COL20A1: variants seen among roughly 807,000 people sequenced by gnomAD.
The protein encoded by COL20A1 is collagen alpha-1(XX) chain.
In COL20A1, 164 loss-of-function variants were observed where a neutral mutation model predicts 152.9. That is an observed-to-expected ratio of 1.07 (90% CI 0.94 to 1.22). The LOEUF (loss-of-function observed/expected upper bound fraction) is 1.22. Among genes scored for constraint, COL20A1 ranks in the 50% most tolerant of loss-of-function variants. COL20A1 has a pLI of 0.00. For synonymous variants in COL20A1, 864 were observed against 756.0 expected, an observed-to-expected ratio of 1.14 and a Z score of -2.34; for missense variants, 1,873 against 1,744.8, an observed-to-expected ratio of 1.07 and a Z score of -1.31.
At position 63,321,485 on chromosome 20, in the gene COL20A1, G is replaced by A. The variant is rs1217727404; in HGVS notation, c.3240+386G>A. Among the ~76,000 whole-genome samples the A allele has an allele frequency of 3.9e-5, 6 of 152,356 alleles. No individual in the cohort carries two copies. In the South Asian group the frequency reaches 6.2e-4, roughly 16 times the overall value. On this transcript the variant is annotated intron_variant, in intron 26 of 35. Transcript: ENST00000358894. ...TGTGAGGCTTGGGACGGATCCAGGCGCAACTGGGATCCAGAACTGTGCTGT... is the reference window on the plus strand; with the variant it reads ...TGTGAGGCTTGGGACGGATCCAGGCACAACTGGGATCCAGAACTGTGCTGT...
At chr20:63,316,846 A>G (rs2068091616) in intron 21 of COL20A1, among the ~76,000 whole-genome samples, 155 bp downstream of exon 21, 1 of 152,246 alleles carries the variant, frequency 6.6e-6, no homozygotes. Context: ...GACTCACCCC[A>G]GTACTCACAC....
intron 9 of COL20A1, 58 bp from the exon 10 acceptor site, chr20:63,309,700 C>A: frequency 7.0e-7 from 1 of 1,435,668 alleles, no homozygotes; most frequent in Non-Finnish European, 9.3e-7. Flanking sequence ...CCAGGGGGAG[C>A]GTGGACACAG....
chr20:63,314,522 GC>G (rs1170079042), intron 19 of COL20A1, among the ~76,000 whole-genome samples: 1 of 152,176 alleles, frequency 6.6e-6, no homozygotes, highest in Non-Finnish European at 1.5e-5. Context: ...GCTCTGAGAG[GC>G]ATCCATCCCA....
intron 34 of COL20A1, among the ~76,000 whole-genome samples, chr20:63,328,852 C>G (rs1361143309): frequency 6.6e-6 from 1 of 150,488 alleles, no homozygotes; most frequent in African/African-American, 2.4e-5. Flanking sequence ...CCTCCCCACT[C>G]CCGCCCTCTT....
At position 63,313,167 on chromosome 20, in the gene COL20A1, G is replaced by A. The variant is rs1357791142; in HGVS notation, c.2127G>A (p.Arg709=). 5 of 1,612,298 alleles carry A rather than the reference G, an allele frequency of 3.1e-6. No individual in the cohort carries two copies. The highest frequency in any genetic ancestry group is 4.2e-6 in the Non-Finnish European group (5 of 1,179,704). ...CGGCCGTCCTGCCTGGCCTAGGGAG[G>A]CACACAGAGTACGACGTCACCATCT... ...LGTAVLPGLG[R]HTEYDVTILA... is the part of the protein sequence containing the mutation. The change falls in exon 17 of 36, where the codon AGG becomes AGA. Residue 709 remains arginine, a synonymous_variant. Transcript: ENST00000358894. This position sits in a 1 kb window ranked among gnomAD's most constrained non-coding sequence, Gnocchi z 5.9.
intron 3 of COL20A1, among the ~76,000 whole-genome samples, chr20:63,298,303 T>A (rs2067824781): frequency 6.6e-6 from 1 of 152,218 alleles, no homozygotes. Flanking sequence ...TTTTTAATTT[T>A]TTTTAAAGGC....
At chr20:63,296,355 C>A (rs1009624053) in intron 2 of COL20A1, among the ~76,000 whole-genome samples, 6 of 152,272 alleles carry the variant, frequency 3.9e-5, no homozygotes, top group African/African-American at 1.4e-4. Context: ...AAATCTAGTT[C>A]TATCTAGTTC....
rs372279384 is a variant in COL20A1, at chr20:63,319,622, C to A, written c.2916+26C>A. 6.1e-6 allele frequency: 9 copies of A among 1,486,770 alleles called. No homozygotes were observed. The highest frequency in any genetic ancestry group is 7.3e-6 in the Non-Finnish European group (8 of 1,090,102). 92.1% of individuals were successfully genotyped at this position (1,486,770 alleles called of 1,614,324 possible). A position where few individuals can be genotyped will look rare whatever the true frequency, so the allele number is the denominator to read the frequency against. On this transcript the variant is annotated intron_variant, in intron 23 of 35. Transcript: ENST00000358894. This position sits in a 1 kb window ranked among gnomAD's most constrained non-coding sequence, Gnocchi z 4.4. The stretch of plus-strand genomic sequence containing the variant: ...GTCCTGGTGCAGCTCGCGCCCCTCT[C>A]CCCCGTTCCCCCAGCTCTGGGGCAG...
chr20:63,314,286 TCCAACCCCAGACCCAG>T lies in COL20A1; in HGVS notation c.2488+99_2488+114del, dbSNP rs1394043655. 3.9e-6 allele frequency: 5 copies of T among 1,278,060 alleles called. No individual in the cohort carries two copies. In the East Asian group the frequency reaches 1.0e-4, roughly 26 times the overall value. 79.2% of individuals were successfully genotyped at this position (1,278,060 alleles called of 1,614,324 possible). A position where few individuals can be genotyped will look rare whatever the true frequency, so the allele number is the denominator to read the frequency against. On this transcript the variant is annotated intron_variant, in intron 19 of 35. Transcript: ENST00000358894. ...CCAGACCCTGCCAGCTCCAGACTCA[TCCAACCCCAGACCCAG>T]CCAACCCCAGACCTAGTTGACCCCA...
At chr20:63,307,341 G>A (rs939044114) in intron 5 of COL20A1, 149 bp from the exon 6 acceptor site, 12 of 694,854 alleles carry the variant, frequency 1.7e-5, no homozygotes, top group East Asian at 1.1e-4. Context: ...TGTCTAGTCC[G>A]GTGAGGCCTG....
Position 63,311,723 on chromosome 20 carries a change from G to C in COL20A1, c.1638G>C (p.Glu546Asp), listed in dbSNP as rs781463665. The change falls in exon 13 of 36, where the codon GAG (glutamate) becomes GAC (aspartate). Residue 546 changes from glutamate (E) to aspartate (D), a missense_variant. Physicochemically the swap from Glu to Asp is conservative, Grantham distance 45. Coordinates refer to ENST00000358894, the MANE Select transcript of COL20A1 (RefSeq NM_020882.4). The surrounding 1 kb of genome is among the most constrained non-coding windows in gnomAD (Gnocchi z 4.4). ...GCCTGCGAGGCCCTGAGGGCAGCGA[G>C]GCCCGGGGCATCCGTGCCAGGACCC... is the stretch of plus-strand genomic sequence containing the variant. ...VQSLRGPEGS[E>D]ARGIRARTPT... 5 of 1,598,728 alleles carry C rather than the reference G, an allele frequency of 3.1e-6. No individual in the cohort carries two copies. The South Asian group carries it at 5.6e-5, about 18-fold the overall frequency.
intron 11 of COL20A1, 58 bp downstream of exon 11, chr20:63,310,568 C>G: frequency 6.6e-7 from 1 of 1,508,882 alleles, no homozygotes; most frequent in Non-Finnish European, 8.9e-7. Context: ...TCACGGCTGT[C>G]CCTTGGAGCC....
intron 5 of COL20A1, among the ~76,000 whole-genome samples, chr20:63,307,284 G>C (rs181703446): frequency 6.6e-6 from 1 of 152,248 alleles, no homozygotes. Context: ...GCACCAGGCT[G>C]CCTCACATTA....
In COL20A1 at chr20:63,322,351, C is replaced by G. The variant is rs569783177; in HGVS notation, c.3294+240C>G. ...GCCCAGGCCTGGTTATGGTGCAAGT[C>G]CCCTTTTCACCCAGATAGGGAGGAT... On this transcript the variant is annotated intron_variant, in intron 27 of 35. Coordinates refer to ENST00000358894, the MANE Select transcript of COL20A1 (RefSeq NM_020882.4). 2.6e-5 allele frequency among the ~76,000 whole-genome samples: 4 copies of G among 152,272 alleles called. No homozygotes were observed. In the South Asian group the frequency reaches 8.3e-4, roughly 32 times the overall value.
In COL20A1 at chr20:63,327,836, G is replaced by A. The variant is rs1313595814; in HGVS notation, c.3529-116G>A. 7.5e-6 allele frequency: 8 copies of A among 1,062,346 alleles called. No individual in the cohort carries two copies. In the East Asian group the frequency reaches 7.8e-5, roughly 10 times the overall value. 65.8% of individuals were successfully genotyped at this position (1,062,346 alleles called of 1,614,324 possible). On this transcript the variant is annotated intron_variant, in intron 31 of 35. Coordinates refer to ENST00000358894, the MANE Select transcript of COL20A1 (RefSeq NM_020882.4). ...GAATTTGGGATGGGGCTTTCACACC[G>A]CCACTGTGGCTATCAGGCTGCCTGA...
chr20:63,309,538 G>T, intron 9 of COL20A1, 41 bp downstream of exon 9: 15 of 1,450,036 alleles, frequency 1.0e-5, no homozygotes, highest in Non-Finnish European at 1.4e-5. Flanking sequence ...AGCCCCCCCG[G>T]CTGCTTTGGG....
In COL20A1 at chr20:63,311,294, G is replaced by C; in HGVS notation, c.1394-100G>C. On this transcript the variant is annotated intron_variant, in intron 11 of 35. Coordinates refer to ENST00000358894, the MANE Select transcript of COL20A1 (RefSeq NM_020882.4). This position sits in a 1 kb window ranked among gnomAD's most constrained non-coding sequence, Gnocchi z 4.4. The stretch of plus-strand genomic sequence containing the variant: ...ACTTTGAATCCTGTGCACCTGCCAG[G>C]CGGTGGCCGTGCCCACCCACTCTGG... 6 of 1,270,696 alleles carry C rather than the reference G, an allele frequency of 4.7e-6. No homozygotes were observed. The South Asian group carries it at 8.9e-5, about 19-fold the overall frequency. 78.7% of individuals were successfully genotyped at this position (1,270,696 alleles called of 1,614,324 possible).
rs1418850159 is a variant in COL20A1 at position 63,313,616 on chromosome 20, G to C, written c.2210-127G>C. On this transcript the variant is annotated intron_variant, in intron 17 of 35. Coordinates refer to ENST00000358894, the MANE Select transcript of COL20A1 (RefSeq NM_020882.4). The surrounding 1 kb of genome is among the most constrained non-coding windows in gnomAD (Gnocchi z 5.9). ...AGGGGGGTGATGCGGGCTGTGGTAG[G>C]GGTGTGGCATGATGTGGTGGAGGCA... 1.1e-6 allele frequency: 1 copy of C among 903,524 alleles called. No individual in the cohort carries two copies. The highest frequency in any genetic ancestry group is 1.6e-6 in the Non-Finnish European group (1 of 614,034). The allele number at this position is 903,524 out of a possible 1,614,324, so 56.0% of individuals were successfully genotyped here.
chr20:63,326,963 C>T (rs941240225), intron 31 of COL20A1, 140 bp downstream of exon 31: 8 of 553,544 alleles, frequency 1.4e-5, no homozygotes, highest in African/African-American at 2.0e-5. Flanking sequence ...CTGTTGACAG[C>T]CCACAGACTT....
Sources: gnomAD v4.1 joint callset for allele counts (sites outside exome capture counted in the v4.1 genomes callset) on GRCh38, gnomAD v4.1.1 for gene constraint, Gnocchi (gnomAD v3.1) non-coding constraint, MANE v1.5 for transcripts, NCBI Gene and HGNC (gene_info 2026-07-23, HGNC 2026-07-21) for gene names.